Variants in LDB2 observed in about 807,000 individuals in gnomAD.
LDB2 encodes the protein LIM domain-binding protein 2.
LDB2 carries 12 observed loss-of-function variants against 44.3 expected under a neutral mutation model. That is an observed-to-expected ratio of 0.27 (90% confidence interval 0.17 to 0.44). The LOEUF is 0.44. LDB2 is among the 20% of genes least tolerant of loss of function. The pLI is 1.00. For missense variants in LDB2, 344 were observed against 473.5 expected (o/e 0.73, Z 2.54); for synonymous variants, 164 against 174.8 (o/e 0.94, Z 0.49).
intron 2 of LDB2, among the ~76,000 whole-genome samples, chr4:16,740,201 G>C (rs1348569516): frequency 2.6e-5 from 4 of 152,184 alleles, no homozygotes; most frequent in Non-Finnish European, 5.9e-5. Context: ...GCACTAAACT[G>C]TGACATCTTC....
At chr4:16,558,946 T>C (rs1320002980) in intron 5 of LDB2, among the ~76,000 whole-genome samples, 2 of 152,196 alleles carry the variant, frequency 1.3e-5, no homozygotes, top group Non-Finnish European at 2.9e-5. Flanking sequence ...CAGAATTTCA[T>C]ATCCAGCCAA....
chr4:16,556,129 G>A (rs1425569579), intron 5 of LDB2, among the ~76,000 whole-genome samples: 1 of 152,150 alleles, frequency 6.6e-6, no homozygotes, highest in Non-Finnish European at 1.5e-5. Context: ...AATTTCCTTT[G>A]TTGTATTCAC....
chr4:16,764,986 G>T (rs1768875539), intron 1 of LDB2, among the ~76,000 whole-genome samples: 1 of 152,212 alleles, frequency 6.6e-6, no homozygotes, highest in Non-Finnish European at 1.5e-5. Context: ...CTAACTTGGA[G>T]ATTAACCAGG....
At chr4:16,890,974 C>G (rs956220984) in intron 1 of LDB2, among the ~76,000 whole-genome samples, 1 of 152,148 alleles carries the variant, frequency 6.6e-6, no homozygotes, top group East Asian at 1.9e-4. Context: ...GTTGGAAGTT[C>G]TTTCCCCTTT....
At chr4:16,638,355 C>T (rs2152505237) in intron 2 of LDB2, among the ~76,000 whole-genome samples, 1 of 152,292 alleles carries the variant, frequency 6.6e-6, no homozygotes, top group East Asian at 1.9e-4. Flanking sequence ...TGAGCGTTCA[C>T]CGTTCAGTAG....
intron 5 of LDB2, among the ~76,000 whole-genome samples, chr4:16,553,063 A>C (rs2313594): frequency 0.016 from 2,409 of 152,356 alleles, 46 homozygotes; most frequent in South Asian, 0.064. Flanking sequence ...AGCCATGTCA[A>C]AGAAAGAAAT....
chr4:16,590,347 TA>T (rs1382731141), intron 3 of LDB2, among the ~76,000 whole-genome samples: 13 of 152,280 alleles, frequency 8.5e-5, no homozygotes, highest in Admixed American at 7.9e-4. Flanking sequence ...AATAAATGAA[TA>T]AGTAAAAATT....
intron 1 of LDB2, among the ~76,000 whole-genome samples, chr4:16,859,935 A>G (rs1205240206): frequency 6.6e-6 from 1 of 152,198 alleles, no homozygotes; most frequent in Admixed American, 6.5e-5. Context: ...ATCTTCTCCA[A>G]TTTAGAGACA....
intron 1 of LDB2, among the ~76,000 whole-genome samples, chr4:16,780,855 C>T (rs886958339): frequency 6.6e-6 from 1 of 151,994 alleles, no homozygotes; most frequent in African/African-American, 2.4e-5. Context: ...GTCAGTGAGG[C>T]AATAGCTTCT....
chr4:16,837,568 T>A lies in LDB2; in HGVS notation c.132+60786A>T, dbSNP rs191160663. Reference sequence around the variant, plus strand: ...AGAGACTTAGAAGTCACTTGCACACTAGGATTGCTTTCTGGCTCTGCATGA... The same window carrying A: ...AGAGACTTAGAAGTCACTTGCACACAAGGATTGCTTTCTGGCTCTGCATGA... On this transcript the variant is annotated intron_variant, in intron 1 of 7. Transcript: ENST00000304523. 3.3e-5 allele frequency among the ~76,000 whole-genome samples: 5 copies of A among 152,288 alleles called. No individual in the cohort carries two copies. The East Asian group carries it at 9.7e-4, about 29-fold the overall frequency.
At chr4:16,593,436 T>C (rs1170475219) in intron 3 of LDB2, among the ~76,000 whole-genome samples, 1 of 151,994 alleles carries the variant, frequency 6.6e-6, no homozygotes, top group Non-Finnish European at 1.5e-5. Flanking sequence ...TTGGAAAGTT[T>C]TTTGAGTATT....
intron 2 of LDB2, among the ~76,000 whole-genome samples, chr4:16,692,547 G>A (rs928447541): frequency 1.3e-5 from 2 of 151,750 alleles, no homozygotes; most frequent in African/African-American, 4.9e-5. Context: ...TCTTTTCTGT[G>A]GAAAGAAAAA....
chr4:16,825,001 C>T lies in LDB2; in HGVS notation c.133-65741G>A, dbSNP rs571344462. 1.6e-4 allele frequency among the ~76,000 whole-genome samples: 25 copies of T among 152,270 alleles called. No homozygotes were observed. In the South Asian group the frequency reaches 4.8e-3, roughly 29 times the overall value. The stretch of plus-strand genomic sequence containing the variant: ...GTATATGGTAGATGCAGAGTAAATA[C>T]ATGTGGGATAACAGGGAAGTATTTG... On this transcript the variant is annotated intron_variant, in intron 1 of 7. Transcript: ENST00000304523.
chr4:16,855,246 C>G (rs1186898302), intron 1 of LDB2, among the ~76,000 whole-genome samples: 1 of 152,094 alleles, frequency 6.6e-6, no homozygotes, highest in African/African-American at 2.4e-5. Flanking sequence ...AACTGGGGTT[C>G]CTTAGCACAA....
At chr4:16,729,780 T>A (rs1323473302) in intron 2 of LDB2, among the ~76,000 whole-genome samples, 1 of 152,202 alleles carries the variant, frequency 6.6e-6, no homozygotes, top group Non-Finnish European at 1.5e-5. Context: ...AGGGAATAGA[T>A]CGTCTTTCTA....
chr4:16,681,265 C>A (rs1039251606), intron 2 of LDB2, among the ~76,000 whole-genome samples: 6 of 152,152 alleles, frequency 3.9e-5, no homozygotes, highest in Admixed American at 2.0e-4. Context: ...ATGTGGGTGA[C>A]CCCCAAAAGC....
intron 2 of LDB2, among the ~76,000 whole-genome samples, chr4:16,685,642 C>T (rs1175074868): frequency 5.3e-5 from 8 of 152,274 alleles, no homozygotes; most frequent in South Asian, 2.1e-4. Flanking sequence ...ATCCAAATAA[C>T]GTGATTTCAT....
chr4:16,687,928 C>T (rs1049407062), intron 2 of LDB2, among the ~76,000 whole-genome samples: 2 of 152,234 alleles, frequency 1.3e-5, no homozygotes, highest in African/African-American at 4.8e-5. Context: ...ATTCAACACA[C>T]ATTGCCTACA....
chr4:16,502,951 C>A (rs775440770), intron 7 of LDB2, 78 bp from the exon 8 acceptor site: 3 of 1,603,048 alleles, frequency 1.9e-6, no homozygotes, highest in South Asian at 2.2e-5. Flanking sequence ...TGGGAGGAGT[C>A]GGGGAATCTA....
Sources: allele counts gnomAD v4.1 joint callset (sites outside exome capture counted in the v4.1 genomes callset), GRCh38; gene constraint gnomAD v4.1.1; transcripts MANE v1.5; gene names NCBI Gene and HGNC (gene_info 2026-07-23, HGNC 2026-07-21).